Variants in PPP2R2B observed in about 807,000 individuals in gnomAD.
The protein encoded by PPP2R2B is protein phosphatase 2 regulatory subunit Bbeta.
A neutral mutation model predicts 46.0 loss-of-function variants in PPP2R2B; 5 were observed. That is an observed-to-expected ratio of 0.11 (90% CI 0.06 to 0.23). The LOEUF (loss-of-function observed/expected upper bound fraction) is 0.23, where lower values mean the gene tolerates loss of function less well. Among genes scored for constraint, PPP2R2B ranks in the 10% least tolerant of loss-of-function variants. PPP2R2B has a pLI of 1.00. For synonymous variants in PPP2R2B, 215 were observed against 206.7 expected (o/e 1.04, Z -0.34); for missense variants, 367 against 575.0 (o/e 0.64, Z 3.70).
intron 1 of PPP2R2B, among the ~76,000 whole-genome samples, chr5:147,030,134 T>C (rs1039130820): frequency 3.9e-5 from 6 of 152,180 alleles, no homozygotes; most frequent in African/African-American, 1.4e-4. Flanking sequence ...GTGAACATGA[T>C]ATATTCCTCC....
intron 1 of PPP2R2B, among the ~76,000 whole-genome samples, chr5:147,001,163 G>T (rs1470779010): frequency 6.6e-6 from 1 of 152,136 alleles, no homozygotes; most frequent in African/African-American, 2.4e-5. Context: ...CACCAGGGTG[G>T]GTGGGGCCAA....
rs2151094047 is a variant in PPP2R2B, at chr5:146,650,667, C to T, written c.505G>A (p.Ala169Thr). 6.2e-7 allele frequency: 1 copy of T among 1,614,010 alleles called. No individual in the cohort carries two copies. Among genetic ancestry groups the T allele is most frequent in the Admixed American group, 1.7e-5 (1 of 60,002 alleles). ...MVEATPRRVF[A>T]NAHTYHINSI... ...TTGATGTGATATGTGTGTGCGTTGG[C>T]AAATACTCTTCGTGGGGTGGCCTCC... Residue 169 changes from alanine (A) to threonine (T), a missense_variant, in exon 6 of 10, where the codon GCC (alanine) becomes ACC (threonine). Ala to Thr is a moderately conservative substitution (Grantham distance 58). Transcript: ENST00000394411.
At chr5:146,923,826 C>T (rs1763691212) in intron 1 of PPP2R2B, among the ~76,000 whole-genome samples, 1 of 152,134 alleles carries the variant, frequency 6.6e-6, no homozygotes, top group Non-Finnish European at 1.5e-5. Context: ...CACCCAAAGG[C>T]CCATCAGTGA....
intron 2 of PPP2R2B, among the ~76,000 whole-genome samples, chr5:146,722,678 A>C (rs1276511827): frequency 2.0e-4 from 30 of 152,256 alleles, no homozygotes; most frequent in Non-Finnish European, 1.8e-4. Context: ...GGTTGCCCAC[A>C]GTATAAACAA....
chr5:146,828,157 C>T (rs1192493239), intron 2 of PPP2R2B, among the ~76,000 whole-genome samples: 1 of 152,006 alleles, frequency 6.6e-6, no homozygotes, highest in Admixed American at 6.6e-5. Flanking sequence ...CCCATGAATT[C>T]TACCATCCAT....
At chr5:147,019,390 T>C (rs2151883956) in intron 1 of PPP2R2B, among the ~76,000 whole-genome samples, 1 of 152,280 alleles carries the variant, frequency 6.6e-6, no homozygotes, top group East Asian at 1.9e-4. Context: ...AGAAAGTTAA[T>C]AAGATCATCC....
At chr5:146,768,274 A>G (rs1754616046) in intron 2 of PPP2R2B, among the ~76,000 whole-genome samples, 1 of 151,992 alleles carries the variant, frequency 6.6e-6, no homozygotes, top group African/African-American at 2.4e-5. Flanking sequence ...GTGTTTCGCT[A>G]TGTTGCCCAG....
chr5:146,999,204 C>A (rs1337308122), intron 1 of PPP2R2B, among the ~76,000 whole-genome samples: 2 of 152,030 alleles, frequency 1.3e-5, no homozygotes, highest in Non-Finnish European at 2.9e-5. Context: ...GAAGATGAGG[C>A]TCCTGCCATC....
chr5:146,784,027 C>G (rs777410336), intron 2 of PPP2R2B, among the ~76,000 whole-genome samples: 3 of 152,036 alleles, frequency 2.0e-5, no homozygotes, highest in Non-Finnish European at 4.4e-5. Context: ...GCAGAAGCAC[C>G]GAAATAGTGA....
upstream of PPP2R2B, among the ~76,000 whole-genome samples, chr5:147,057,565 C>T (rs543915640): frequency 6.6e-6 from 1 of 152,312 alleles, no homozygotes; most frequent in Admixed American, 6.5e-5. Context: ...ACCTCAGTTT[C>T]TCCTTCTATA....
At chr5:146,903,273 T>C (rs1762893306) in intron 1 of PPP2R2B, among the ~76,000 whole-genome samples, 1 of 152,186 alleles carries the variant, frequency 6.6e-6, no homozygotes, top group Non-Finnish European at 1.5e-5. Context: ...TTAAAGAACT[T>C]TGAGGTTCTC....
At chr5:146,835,009 G>T (rs1049640092) in intron 2 of PPP2R2B, among the ~76,000 whole-genome samples, 231 of 152,022 alleles carry the variant, frequency 1.5e-3, no homozygotes, top group Middle Eastern at 6.8e-3. Flanking sequence ...ACCACATTTT[G>T]TTAGTCCAGT....
chr5:146,911,093 T>C (rs200044393), intron 1 of PPP2R2B, among the ~76,000 whole-genome samples: 2 of 123,760 alleles, frequency 1.6e-5, no homozygotes, highest in African/African-American at 3.5e-5. Context: ...ACTTTCTTTT[T>C]TTTTTTTTGA....
chr5:146,689,056 T>G (rs144557260), intron 5 of PPP2R2B, among the ~76,000 whole-genome samples: 1 of 151,960 alleles, frequency 6.6e-6, no homozygotes, highest in Non-Finnish European at 1.5e-5. Flanking sequence ...AAAAGAAAAA[T>G]AACTGAATTG....
At chr5:146,945,737 T>C (rs1006405411) in intron 1 of PPP2R2B, among the ~76,000 whole-genome samples, 3 of 152,222 alleles carry the variant, frequency 2.0e-5, no homozygotes, top group Non-Finnish European at 4.4e-5. Flanking sequence ...TAGTTTTATA[T>C]TGTGTGCACA....
chr5:146,987,007 A>C (rs1753462400), intron 1 of PPP2R2B, among the ~76,000 whole-genome samples: 1 of 152,222 alleles, frequency 6.6e-6, no homozygotes, highest in South Asian at 2.1e-4. Flanking sequence ...GAAAGCAGCA[A>C]GAGAAAAGAA....
intron 1 of PPP2R2B, among the ~76,000 whole-genome samples, chr5:146,936,200 A>C (rs1764133986): frequency 6.6e-6 from 1 of 152,124 alleles, no homozygotes; most frequent in Admixed American, 6.5e-5. Flanking sequence ...TCAGTATCTT[A>C]TCTTTTGAGA....
chr5:146,593,578 G>A lies in PPP2R2B; in HGVS notation c.961-516C>T, dbSNP rs992537554. Among the ~76,000 whole-genome samples, 4 of 152,194 alleles carry A rather than the reference G, an allele frequency of 2.6e-5. No homozygotes were observed. The East Asian group carries it at 5.8e-4, about 22-fold the overall frequency. On this transcript the variant is annotated intron_variant, in intron 8 of 9. Coordinates refer to ENST00000394411, the MANE Select transcript of PPP2R2B (RefSeq NM_181675.4). ...AAGAGCCTGGGAGATCTTGTCGGGG[G>A]TGTATTATTTTATACAGGGCAAGTA... is the stretch of plus-strand genomic sequence containing the variant.
chr5:146,743,523 T>G (rs1230313176), intron 2 of PPP2R2B, among the ~76,000 whole-genome samples: 2 of 152,356 alleles, frequency 1.3e-5, no homozygotes, highest in Admixed American at 1.3e-4. Flanking sequence ...GCTTAGTGAC[T>G]CTGATGGCAA....
Sources: allele counts gnomAD v4.1 joint callset (sites outside exome capture counted in the v4.1 genomes callset), GRCh38; gene constraint gnomAD v4.1.1; transcripts MANE v1.5; gene names NCBI Gene and HGNC (gene_info 2026-07-23, HGNC 2026-07-21).